Variants in NOS1 observed in about 807,000 individuals in gnomAD.
The protein encoded by NOS1 is nitric oxide synthase 1.
NOS1 carries 51 observed loss-of-function variants against 164.5 expected under a neutral mutation model. The ratio of observed to expected loss-of-function variants is 0.31; its 90% confidence interval spans 0.25 to 0.39. NOS1 has a LOEUF of 0.39. Among genes scored for constraint, NOS1 ranks in the 10% least tolerant of loss-of-function variants. NOS1 has a pLI of 1.00. For missense variants in NOS1, 1,362 were observed against 1,885.6 expected (o/e 0.72, Z 5.14); for synonymous variants, 719 against 745.8 (o/e 0.96, Z 0.59).
intron 12 of NOS1, among the ~76,000 whole-genome samples, chr12:117,264,626 C>A: frequency 8.2e-6 from 1 of 122,126 alleles, no homozygotes; most frequent in Non-Finnish European, 1.7e-5. Flanking sequence ...CTCCCTCTCT[C>A]TCTCCCTTTC....
At chr12:117,224,966 C>T in intron 25 of NOS1, 50 bp downstream of exon 25, 1 of 1,612,626 alleles carries the variant, frequency 6.2e-7, no homozygotes, top group Non-Finnish European at 8.5e-7. Flanking sequence ...ACAGCTGGAC[C>T]TCCCCAGGTC....
intron 3 of NOS1, among the ~76,000 whole-genome samples, chr12:117,306,079 A>ACCTTG (rs1296473531): frequency 6.6e-6 from 1 of 152,062 alleles, no homozygotes; most frequent in African/African-American, 2.4e-5. Flanking sequence ...GTCGAGAACC[A>ACCTTG]CCTTGCCTGG....
chr12:117,234,855 C>T lies in NOS1; in HGVS notation c.3042-97G>A. 9.7e-7 allele frequency: 1 copy of T among 1,030,012 alleles called. No individual in the cohort carries two copies. Among genetic ancestry groups the T allele is most frequent in the Non-Finnish European group, 1.4e-6 (1 of 714,676 alleles). The allele number at this position is 1,030,012 out of a possible 1,614,324, so 63.8% of individuals were successfully genotyped here. A position where few individuals can be genotyped will look rare whatever the true frequency, so the allele number is the denominator to read the frequency against. On this transcript the variant is annotated intron_variant, in intron 20 of 28. Transcript: ENST00000317775. The surrounding 1 kb of genome is among the most constrained non-coding windows in gnomAD (Gnocchi z 4.3). ...TGTCCTTGTTGGCTGCAATTCTCCT[C>T]CTTCCATTCTTGTTGGGGCCCGTGC...
At chr12:117,342,794 T>A (rs566189583) in intron 1 of NOS1, among the ~76,000 whole-genome samples, 1 of 152,026 alleles carries the variant, frequency 6.6e-6, no homozygotes, top group Non-Finnish European at 1.5e-5. Context: ...GGGAGCCTGG[T>A]TAGGAGGCTG....
At chr12:117,224,054 A>G (rs1592926452) in intron 25 of NOS1, among the ~76,000 whole-genome samples, 1 of 152,348 alleles carries the variant, frequency 6.6e-6, no homozygotes, top group Middle Eastern at 3.4e-3. Context: ...ACTCTGCCTG[A>G]TACCTGGCAA....
intron 3 of NOS1, among the ~76,000 whole-genome samples, chr12:117,306,610 C>T (rs553582823): frequency 6.6e-5 from 10 of 151,348 alleles, no homozygotes; most frequent in African/African-American, 2.4e-4. Flanking sequence ...CAATGTTATC[C>T]GCCACAACCA....
At chr12:117,345,413 G>C (rs538493859) in intron 1 of NOS1, among the ~76,000 whole-genome samples, 5 of 152,078 alleles carry the variant, frequency 3.3e-5, no homozygotes, top group African/African-American at 9.7e-5. Flanking sequence ...CCTTCCTGGT[G>C]AAATACCTCC....
At chr12:117,281,160 C>T (rs1181578301) in intron 7 of NOS1, among the ~76,000 whole-genome samples, 2 of 152,326 alleles carry the variant, frequency 1.3e-5, no homozygotes, top group African/African-American at 4.8e-5. Context: ...TGACTTGAGC[C>T]AGTCTTCCAA....
intron 3 of NOS1, among the ~76,000 whole-genome samples, chr12:117,292,498 T>C (rs1219759341): frequency 1.3e-5 from 2 of 152,196 alleles, no homozygotes; most frequent in East Asian, 1.9e-4. Flanking sequence ...AAGTCCAGGA[T>C]AGAAGTCACA....
chr12:117,345,306 A>C (rs1876299097), intron 1 of NOS1, among the ~76,000 whole-genome samples: 1 of 152,268 alleles, frequency 6.6e-6, no homozygotes, highest in Middle Eastern at 3.4e-3. Flanking sequence ...TACAGGCGTG[A>C]GCCACCGCGC....
Position 117,330,955 on chromosome 12 carries a change from G to T in NOS1, c.115C>A (p.Pro39Thr). 6.2e-7 allele frequency: 1 copy of T among 1,614,164 alleles called. No homozygotes were observed. The highest frequency in any genetic ancestry group is 8.5e-7 in the Non-Finnish European group (1 of 1,180,030). The change falls in exon 2 of 29, where the codon CCG (proline) becomes ACG (threonine). Residue 39 changes from proline to threonine, a missense_variant. Pro to Thr is a conservative substitution (Grantham distance 38). Transcript: ENST00000317775. The surrounding 1 kb of genome is among the most constrained non-coding windows in gnomAD (Gnocchi z 4.6). ...GFLVKERVSKPPVIISDLIRG... is the reference protein window; with the variant it reads ...GFLVKERVSKTPVIISDLIRG... ...ATCAGGTCAGAGATGATCACGGGCGGCTTACTGACCCGCTCCTTCACCAGA... is the reference window on the plus strand; with the variant it reads ...ATCAGGTCAGAGATGATCACGGGCGTCTTACTGACCCGCTCCTTCACCAGA...
At chr12:117,288,250 TG>T in intron 4 of NOS1, 31 bp from the exon 5 acceptor site, 1 of 1,598,636 alleles carries the variant, frequency 6.3e-7, no homozygotes, top group Non-Finnish European at 8.5e-7. Flanking sequence ...GGGTATTGCT[TG>T]GTTTTACCCA....
intron 2 of NOS1, among the ~76,000 whole-genome samples, chr12:117,324,809 G>A (rs1452930277): frequency 1.3e-5 from 2 of 152,102 alleles, no homozygotes; most frequent in Non-Finnish European, 2.9e-5. Context: ...AAACCCCCTC[G>A]TATTGCTGCC....
chr12:117,287,044 G>A (rs1872754189), intron 5 of NOS1, among the ~76,000 whole-genome samples: 1 of 152,082 alleles, frequency 6.6e-6, no homozygotes, highest in East Asian at 1.9e-4. Flanking sequence ...GCAAAACTCT[G>A]TCTCTACAAA....
At chr12:117,280,313 T>A (rs1256050693) in intron 8 of NOS1, among the ~76,000 whole-genome samples, 2 of 152,224 alleles carry the variant, frequency 1.3e-5, no homozygotes, top group African/African-American at 4.8e-5. Context: ...GAAACTGACA[T>A]TATCTCGTAA....
intron 3 of NOS1, among the ~76,000 whole-genome samples, chr12:117,310,814 T>TA (rs201143937): frequency 5.9e-5 from 9 of 151,608 alleles, no homozygotes; most frequent in African/African-American, 1.5e-4. Flanking sequence ...CTCCACTAAT[T>TA]AAAAAAAAAT....
At chr12:117,304,728 C>T (rs906657475) in intron 3 of NOS1, among the ~76,000 whole-genome samples, 1 of 152,218 alleles carries the variant, frequency 6.6e-6, no homozygotes, top group Non-Finnish European at 1.5e-5. Flanking sequence ...CACAGTGACC[C>T]AGACTGTTGG....
In NOS1 at chr12:117,214,404, TG is replaced by T; in HGVS notation, c.*904del. On this transcript the variant is annotated 3_prime_UTR_variant, in exon 29 of 29. Coordinates refer to ENST00000317775, the MANE Select transcript of NOS1 (RefSeq NM_000620.5). ...TGAACAACATAACTTCCAGGCCCCT[TG>T]GATGCTATTGCTGGAGGAGGGGGTC... 1.0e-6 allele frequency: 1 copy of T among 985,140 alleles called. No homozygotes were observed. Among genetic ancestry groups the T allele is most frequent in the Non-Finnish European group, 1.2e-6 (1 of 829,854 alleles). 61.0% of individuals were successfully genotyped at this position (985,140 alleles called of 1,614,324 possible).
chr12:117,287,686 G>A (rs1293568328), intron 5 of NOS1, among the ~76,000 whole-genome samples: 1 of 152,176 alleles, frequency 6.6e-6, no homozygotes, highest in East Asian at 1.9e-4. Context: ...CAATCTGCCC[G>A]CCTCAGTCTC....
Sources: allele counts gnomAD v4.1 joint callset (sites outside exome capture counted in the v4.1 genomes callset), GRCh38; gene constraint gnomAD v4.1.1; non-coding constraint Gnocchi (gnomAD v3.1); transcripts MANE v1.5; gene names NCBI Gene and HGNC (gene_info 2026-07-23, HGNC 2026-07-21).